Variants in COMMD1 observed in about 807,000 individuals in gnomAD.
COMMD1 encodes COMM domain-containing protein 1.
Under a neutral mutation model 17.2 loss-of-function variants are expected in COMMD1, and 10 were observed. That is an observed-to-expected ratio of 0.58 (90% CI 0.36 to 0.99). COMMD1 has a LOEUF of 0.99. Ranked by LOEUF, COMMD1 falls within the 50% of genes least tolerant of loss-of-function variation. The pLI is 0.01. For missense variants in COMMD1, 270 were observed against 231.8 expected, an observed-to-expected ratio of 1.17 and a Z score of -1.07; for synonymous variants, 97 against 91.6, an observed-to-expected ratio of 1.06 and a Z score of -0.34.
intron 1 of COMMD1, among the ~76,000 whole-genome samples, chr2:61,967,476 A>T (rs1671535910): frequency 6.6e-6 from 1 of 152,204 alleles, no homozygotes; most frequent in African/African-American, 2.4e-5. Flanking sequence ...TTTTCTAGCA[A>T]ATCAGGAAAG....
intron 2 of COMMD1, among the ~76,000 whole-genome samples, chr2:62,057,841 G>T (rs1228945147): frequency 6.6e-6 from 1 of 151,742 alleles, no homozygotes; most frequent in East Asian, 1.9e-4. Context: ...CAAAGTGCTG[G>T]GATTACAGGT....
intron 2 of COMMD1, among the ~76,000 whole-genome samples, chr2:62,008,765 A>G (rs1669195194): frequency 1.3e-5 from 2 of 149,558 alleles, no homozygotes; most frequent in South Asian, 2.1e-4. Context: ...ATTTTAGAAT[A>G]CATTATTTAT....
At chr2:61,935,377 C>G (rs537202276) in intron 1 of COMMD1, among the ~76,000 whole-genome samples, 2 of 152,226 alleles carry the variant, frequency 1.3e-5, no homozygotes, top group African/African-American at 4.8e-5. Flanking sequence ...GCCTGTAATC[C>G]CAGCACTTTG....
intron 1 of COMMD1, among the ~76,000 whole-genome samples, chr2:61,960,185 T>A (rs1012837454): frequency 2.6e-5 from 4 of 152,166 alleles, no homozygotes; most frequent in African/African-American, 9.7e-5. Flanking sequence ...AAATTGTGAC[T>A]TTTTATAATC....
chr2:61,980,493 TGGCCA>T (rs750570284), intron 1 of COMMD1, among the ~76,000 whole-genome samples: 1 of 103,088 alleles, frequency 9.7e-6, no homozygotes, highest in Non-Finnish European at 1.9e-5. Flanking sequence ...ATTTCTCTGA[TGGCCA>T]GTGATGATGA....
chr2:61,937,328 A>G (rs1476545936), intron 1 of COMMD1, among the ~76,000 whole-genome samples: 1 of 152,128 alleles, frequency 6.6e-6, no homozygotes, highest in African/African-American at 2.4e-5. Context: ...TGGTTGTGAG[A>G]GCCTTCGAAT....
At chr2:62,110,789 G>A (rs1040439395) in intron 2 of COMMD1, among the ~76,000 whole-genome samples, 9 of 151,976 alleles carry the variant, frequency 5.9e-5, no homozygotes, top group East Asian at 1.9e-4. Context: ...CTGGGACACC[G>A]TTCAAAAAAT....
At chr2:62,027,016 T>A (rs1669777024) in intron 2 of COMMD1, among the ~76,000 whole-genome samples, 1 of 152,194 alleles carries the variant, frequency 6.6e-6, no homozygotes, top group African/African-American at 2.4e-5. Context: ...TGGTTTTGTA[T>A]ATACTTGAAT....
Position 62,000,767 on chromosome 2 carries a change from CA to C in COMMD1, c.249del (p.Gly84ValfsTer27), listed in dbSNP as rs1558556079. 1 of 1,614,094 alleles carries C rather than the reference CA, an allele frequency of 6.2e-7. No individual in the cohort carries two copies. Among genetic ancestry groups the C allele is most frequent in the Admixed American group, 1.7e-5 (1 of 60,010 alleles). On this transcript the variant is annotated frameshift_variant, in exon 2 of 3. Coordinates refer to ENST00000311832, the MANE Select transcript of COMMD1 (RefSeq NM_152516.4). LOFTEE classifies it high-confidence loss of function. ...ATTCTTGACTGCTCAAACCAAAAAG[CA>C]AGGTGGGATCACATCTGACCAAGCT... The part of the protein sequence containing the change: ...EAFLTAQTKK[Q>X]GGITSDQAAV...
At chr2:61,901,759 C>G (rs1257352947), upstream of COMMD1, among the ~76,000 whole-genome samples, 1 of 152,176 alleles carries the variant, frequency 6.6e-6, no homozygotes, top group Non-Finnish European at 1.5e-5. Flanking sequence ...TCCTCAGTTA[C>G]TAAGAGATGT....
At chr2:62,084,981 A>G (rs1312422685) in intron 2 of COMMD1, 1 of 152,204 alleles carries the variant, frequency 6.6e-6, no homozygotes, top group Non-Finnish European at 1.5e-5. Context: ...TCATCTGTGC[A>G]GTTAAAAGAG....
chr2:62,095,831 G>C (rs1321055975), intron 2 of COMMD1, among the ~76,000 whole-genome samples: 1 of 51,738 alleles, frequency 1.9e-5, no homozygotes, highest in African/African-American at 1.9e-4. Flanking sequence ...TGCATATCAG[G>C]GTTATATATA....
chr2:61,917,453 T>C (rs901964131), intron 1 of COMMD1, among the ~76,000 whole-genome samples: 6 of 152,222 alleles, frequency 3.9e-5, no homozygotes, highest in South Asian at 2.1e-4. Flanking sequence ...AGAATGGCAT[T>C]ATTAATGAAT....
At chr2:61,919,927 G>T (rs760808409) in intron 1 of COMMD1, among the ~76,000 whole-genome samples, 3 of 151,872 alleles carry the variant, frequency 2.0e-5, no homozygotes, top group Non-Finnish European at 4.4e-5. Context: ...AGGAGTTCGA[G>T]ACCAGCCTGG....
intron 1 of COMMD1, among the ~76,000 whole-genome samples, chr2:61,908,488 G>C (rs1669827341): frequency 6.6e-6 from 1 of 152,022 alleles, no homozygotes; most frequent in South Asian, 2.1e-4. Flanking sequence ...GCCTCCCAAA[G>C]TGCTGGGATT....
At chr2:62,025,877 A>G (rs942518325) in intron 2 of COMMD1, among the ~76,000 whole-genome samples, 2 of 151,872 alleles carry the variant, frequency 1.3e-5, no homozygotes, top group Admixed American at 1.3e-4. Context: ...TAGTTTTGAT[A>G]GAGGTGGGGT....
intron 2 of COMMD1, among the ~76,000 whole-genome samples, chr2:62,111,158 A>G (rs1672445273): frequency 6.6e-6 from 1 of 152,246 alleles, no homozygotes; most frequent in Non-Finnish European, 1.5e-5. Flanking sequence ...GTTTCTCACA[A>G]TAATCCTTAT....
intron 1 of COMMD1, among the ~76,000 whole-genome samples, chr2:61,943,866 G>A: frequency 6.6e-6 from 1 of 151,940 alleles, no homozygotes; most frequent in East Asian, 1.9e-4. Context: ...AACAAAAAAT[G>A]ACCAGCTCCT....
chr2:61,983,025 A>G (rs1000383558), intron 1 of COMMD1, among the ~76,000 whole-genome samples: 6 of 152,108 alleles, frequency 3.9e-5, no homozygotes, highest in Admixed American at 2.0e-4. Context: ...TGTCAGGGCA[A>G]TACTGGCCTT....
Sources: gnomAD v4.1 joint callset for allele counts (sites outside exome capture counted in the v4.1 genomes callset) on GRCh38, gnomAD v4.1.1 for gene constraint, MANE v1.5 for transcripts, NCBI Gene and HGNC (gene_info 2026-07-23, HGNC 2026-07-21) for gene names.